SLC13A1: variants seen among roughly 807,000 people sequenced by gnomAD.
SLC13A1 encodes Na(+)/sulfate cotransporter.
Under a neutral mutation model 70.0 loss-of-function variants are expected in SLC13A1, and 65 were observed. The observed-to-expected ratio is 0.93, with a 90% CI of 0.76 to 1.14. The LOEUF is 1.14. Ranked by LOEUF, SLC13A1 falls within the 50% of genes most tolerant of loss-of-function variation. The pLI, the probability that SLC13A1 is intolerant of heterozygous loss-of-function variation, is 0.00. For missense variants in SLC13A1, 726 were observed against 717.8 expected (o/e 1.01, Z -0.13); for synonymous variants, 275 against 250.5 (o/e 1.10, Z -0.92).
At chr7:123,124,134 G>A (rs1445600253) in intron 11 of SLC13A1, among the ~76,000 whole-genome samples, 1 of 152,110 alleles carries the variant, frequency 6.6e-6, no homozygotes, top group African/African-American at 2.4e-5. Flanking sequence ...TTTAAGCCTT[G>A]TATGAATGAC....
At chr7:123,185,637 A>G (rs985816020) in intron 1 of SLC13A1, among the ~76,000 whole-genome samples, 1 of 152,042 alleles carries the variant, frequency 6.6e-6, no homozygotes, top group Non-Finnish European at 1.5e-5. Flanking sequence ...TAATTGGTCC[A>G]CATGTCTGTT....
intron 1 of SLC13A1, among the ~76,000 whole-genome samples, chr7:123,193,527 G>A (rs73718306): frequency 0.017 from 2,553 of 152,302 alleles, 68 homozygotes; most frequent in African/African-American, 0.059. Flanking sequence ...ACCTCAACCT[G>A]TGCTTTCGTG....
chr7:123,171,998 C>T (rs915508004), intron 2 of SLC13A1, 94 bp from the exon 3 acceptor site: 1 of 1,114,674 alleles, frequency 9.0e-7, no homozygotes, highest in Non-Finnish European at 1.3e-6. Context: ...TAATTTTGAC[C>T]TTCAACCGCA....
rs560645243 is a variant in SLC13A1 at position 123,122,154 on chromosome 7, T to C, written c.1350+972A>G. 4.1e-4 allele frequency among the ~76,000 whole-genome samples: 62 copies of C among 152,240 alleles called. 1 individual carries two copies. The highest frequency in any genetic ancestry group is 1.5e-3 in the African/African-American group (62 of 41,564). ...GTGTCTAGGATCCAATCCAGACACA[T>C]AACTCTGTGCAGAAAAATTGTCAAT... On this transcript the variant is annotated intron_variant, in intron 12 of 14. Coordinates refer to ENST00000194130, the MANE Select transcript of SLC13A1 (RefSeq NM_022444.4).
chr7:123,168,624 G>A, intron 4 of SLC13A1, 63 bp from the exon 5 acceptor site: 1 of 1,224,162 alleles, frequency 8.2e-7, no homozygotes, highest in South Asian at 1.3e-5. Flanking sequence ...GTTTGCCTGT[G>A]TGTGGATGCG....
chr7:123,166,361 C>A (rs1288435127), intron 6 of SLC13A1, among the ~76,000 whole-genome samples: 2 of 150,674 alleles, frequency 1.3e-5, no homozygotes, highest in Non-Finnish European at 3.0e-5. Flanking sequence ...TTTAGGTGTG[C>A]CAATTTTCAT....
At chr7:123,169,049 T>C in intron 4 of SLC13A1, 99 bp downstream of exon 4, 1 of 1,065,476 alleles carries the variant, frequency 9.4e-7, no homozygotes, top group Non-Finnish European at 1.4e-6. Context: ...ATATCATGCA[T>C]GTATAGATGG....
At chr7:123,146,244 G>T (rs1563330137) in intron 7 of SLC13A1, among the ~76,000 whole-genome samples, 1 of 152,144 alleles carries the variant, frequency 6.6e-6, no homozygotes, top group Non-Finnish European at 1.5e-5. Context: ...TCATAATGTG[G>T]CCGGGTGCAG....
Position 123,125,688 on chromosome 7 carries a change from C to T in SLC13A1, c.1134-13G>A. The T allele has an allele frequency of 6.4e-7, 1 of 1,562,140 alleles. No homozygotes were observed. The highest frequency in any genetic ancestry group is 8.8e-7 in the Non-Finnish European group (1 of 1,138,480). ...AAAACCAGGGTACCTGTAAAAGGGA[C>T]AAATACATGTATTAAAAATAGCATC... is the stretch of plus-strand genomic sequence containing the variant. On this transcript the variant is annotated splice_polypyrimidine_tract_variant and intron_variant, in intron 10 of 14. Coordinates refer to ENST00000194130, the MANE Select transcript of SLC13A1 (RefSeq NM_022444.4).
chr7:123,155,970 A>G (rs1490204209), intron 6 of SLC13A1, among the ~76,000 whole-genome samples: 1 of 152,066 alleles, frequency 6.6e-6, no homozygotes, highest in African/African-American at 2.4e-5. Flanking sequence ...TCTGAAGATC[A>G]TATTTCTGTT....
chr7:123,187,175 A>G (rs1795828525), intron 1 of SLC13A1, among the ~76,000 whole-genome samples: 1 of 152,112 alleles, frequency 6.6e-6, no homozygotes, highest in East Asian at 1.9e-4. Context: ...AACCCTGGAT[A>G]CCTGCTCTGT....
intron 1 of SLC13A1, among the ~76,000 whole-genome samples, chr7:123,181,424 T>G (rs942460002): frequency 9.2e-5 from 14 of 152,136 alleles, no homozygotes; most frequent in African/African-American, 2.7e-4. Context: ...CTTTGGCCTA[T>G]AAAATGCACT....
chr7:123,123,185 T>G lies in SLC13A1; in HGVS notation c.1291A>C (p.Met431Leu), dbSNP rs756418508. The G allele has an allele frequency of 1.9e-6, 3 of 1,613,618 alleles. No individual in the cohort carries two copies. Among genetic ancestry groups the G allele is most frequent in the Non-Finnish European group, 2.5e-6 (3 of 1,179,668 alleles). Reference protein sequence around the residue: ...LITWKEFQSFMPWDIAILVGG... With the variant: ...LITWKEFQSFLPWDIAILVGG... ...ACAAGAATGGCTATATCCCAGGGCA[T>G]GAATGACTGGAATTCTTTCCAAGTA... is the stretch of plus-strand genomic sequence containing the variant. The change falls in exon 12 of 15, where the codon ATG becomes CTG. Residue 431 changes from methionine (M) to leucine (L), a missense_variant. Met to Leu is a conservative substitution (Grantham distance 15). Coordinates refer to ENST00000194130, the MANE Select transcript of SLC13A1 (RefSeq NM_022444.4).
chr7:123,143,830 T>G (rs1794246995), intron 7 of SLC13A1, among the ~76,000 whole-genome samples: 2 of 152,154 alleles, frequency 1.3e-5, no homozygotes. Context: ...CCTGAACTGT[T>G]GACCCACAAA....
At chr7:123,148,168 C>A (rs1412600278) in intron 6 of SLC13A1, among the ~76,000 whole-genome samples, 1 of 152,124 alleles carries the variant, frequency 6.6e-6, no homozygotes, top group Non-Finnish European at 1.5e-5. Context: ...TTGGATATCT[C>A]TTTCTCTCCC....
chr7:123,179,853 A>G (rs1362392853), intron 2 of SLC13A1, among the ~76,000 whole-genome samples: 1 of 152,158 alleles, frequency 6.6e-6, no homozygotes, highest in Non-Finnish European at 1.5e-5. Context: ...ATCCAAGCCC[A>G]TGGGACAAGG....
At position 123,129,408 on chromosome 7, in the gene SLC13A1, C is replaced by A. The variant is rs779105814; in HGVS notation, c.1006G>T (p.Glu336Ter). 6.3e-7 allele frequency: 1 copy of A among 1,593,186 alleles called. No homozygotes were observed. Among genetic ancestry groups the A allele is most frequent in the South Asian group, 1.1e-5 (1 of 88,174 alleles). Residue 336 changes from glutamate to a stop codon, truncating the protein, a stop_gained, in exon 9 of 15, where the codon GAA becomes TAA. Transcript: ENST00000194130. LOFTEE classifies it high-confidence loss of function. ...CTTATTGGCCCAAGCTTTTGGTATT[C>A]TTGCTTAATCACCTCAGCACAAGCT... ...QKACAEVIKQEYQKLGPIRYQ... is the reference protein window; with the variant it reads ...QKACAEVIKQ
intron 6 of SLC13A1, among the ~76,000 whole-genome samples, chr7:123,166,493 A>G (rs759119221): frequency 1.3e-5 from 2 of 152,026 alleles, no homozygotes; most frequent in Non-Finnish European, 2.9e-5. Flanking sequence ...TGCTGAACCC[A>G]GTAACTTGTC....
At chr7:123,177,861 TAC>T (rs558614550) in intron 2 of SLC13A1, among the ~76,000 whole-genome samples, 128 of 152,268 alleles carry the variant, frequency 8.4e-4, no homozygotes, top group African/African-American at 3.0e-3. Flanking sequence ...ATTTATCAGA[TAC>T]AGTGTTCATT....
Sources: gnomAD v4.1 joint callset for allele counts (sites outside exome capture counted in the v4.1 genomes callset) on GRCh38, gnomAD v4.1.1 for gene constraint, MANE v1.5 for transcripts, NCBI Gene and HGNC (gene_info 2026-07-23, HGNC 2026-07-21) for gene names.